The following WDPCP variants were observed in gnomAD, a reference collection of about 807,000 sequenced individuals.
WDPCP encodes WD repeat containing planar cell polarity effector.
In WDPCP, 71 loss-of-function variants were observed where a neutral mutation model predicts 93.1. The observed-to-expected ratio is 0.76, with a 90% CI of 0.63 to 0.93. The LOEUF (loss-of-function observed/expected upper bound fraction) is 0.93, where lower values mean the gene tolerates loss of function less well. Ranked by LOEUF, WDPCP falls within the 40% of genes least tolerant of loss-of-function variation. The pLI is 0.00. For missense variants in WDPCP, 844 were observed against 887.4 expected, an observed-to-expected ratio of 0.95 and a Z score of 0.62; for synonymous variants, 315 against 315.0, an observed-to-expected ratio of 1.00 and a Z score of 0.00.
chr2:63,322,497 A>C (rs1687190770), intron 12 of WDPCP, among the ~76,000 whole-genome samples: 1 of 152,174 alleles, frequency 6.6e-6, no homozygotes, highest in African/African-American at 2.4e-5. Context: ...GAAGTCAGTG[A>C]GACCATGAAC....
intron 13 of WDPCP, among the ~76,000 whole-genome samples, chr2:63,292,224 T>C (rs193067586): frequency 3.3e-5 from 5 of 152,078 alleles, no homozygotes; most frequent in Admixed American, 2.6e-4. Flanking sequence ...GTTGGCTCTT[T>C]TAGTCTCCAT....
At chr2:63,765,972 T>G (rs1034799649) in intron 2 of WDPCP, among the ~76,000 whole-genome samples, 1 of 152,224 alleles carries the variant, frequency 6.6e-6, no homozygotes. Context: ...AGAACTTCTA[T>G]GAGTAGGGAT....
At chr2:63,550,694 C>CATACAT in intron 1 of WDPCP, among the ~76,000 whole-genome samples, 1 of 148,100 alleles carries the variant, frequency 6.8e-6, no homozygotes. Context: ...TATACATACA[C>CATACAT]ATACATATAC....
chr2:63,608,857 A>G (rs1421593933), intron 3 of WDPCP, among the ~76,000 whole-genome samples: 1 of 152,204 alleles, frequency 6.6e-6, no homozygotes, highest in African/African-American at 2.4e-5. Flanking sequence ...TGTAGAAAAG[A>G]AAAAGCAAGT....
At chr2:63,518,607 C>G (rs1201921374) in intron 1 of WDPCP, 2 of 152,860 alleles carry the variant, frequency 1.3e-5, no homozygotes, top group Admixed American at 6.5e-5. Context: ...GCCCACACCC[C>G]GCAAAGCTCA....
Position 63,574,855 on chromosome 2 carries a change from C to T in WDPCP, c.75+13342G>A, listed in dbSNP as rs974625610. 3.3e-5 allele frequency among the ~76,000 whole-genome samples: 5 copies of T among 152,148 alleles called. No individual in the cohort carries two copies. In the East Asian group the frequency reaches 7.7e-4, roughly 23 times the overall value. Reference sequence around the variant, plus strand: ...CTGTCCATAGAAATGCAAATTATGTCCTGTAAAATGGAACTGATTATTTCT... The same window carrying T: ...CTGTCCATAGAAATGCAAATTATGTTCTGTAAAATGGAACTGATTATTTCT... On this transcript the variant is annotated intron_variant, in intron 1 of 17. Transcript: ENST00000272321.
In WDPCP at chr2:63,121,232, C is replaced by G. The variant is rs575429092; in HGVS notation, c.*774G>C. ...TCTAAGGGGCAGTCAGGGCAAATTA[C>G]TCATAGCAGTAATTCGAGAGAACCA... On this transcript the variant is annotated 3_prime_UTR_variant, in exon 18 of 18. Coordinates refer to ENST00000272321, the MANE Select transcript of WDPCP (RefSeq NM_015910.7). 2.0e-5 allele frequency among the ~76,000 whole-genome samples: 3 copies of G among 152,070 alleles called. No individual in the cohort carries two copies. The highest frequency in any genetic ancestry group is 6.5e-5 in the Admixed American group (1 of 15,280).
intron 13 of WDPCP, among the ~76,000 whole-genome samples, chr2:63,267,951 C>T (rs1682283592): frequency 6.6e-6 from 1 of 152,068 alleles, no homozygotes; most frequent in African/African-American, 2.4e-5. Flanking sequence ...ACCATATGAT[C>T]TAGCAATTGC....
chr2:63,233,087 C>CA (rs1280309680), intron 14 of WDPCP: 1 of 156,908 alleles, frequency 6.4e-6, no homozygotes, highest in Non-Finnish European at 1.4e-5. Flanking sequence ...AATTTGTACT[C>CA]TTTTTAAGTT....
chr2:63,382,293 T>C (rs1283505428), intron 10 of WDPCP, among the ~76,000 whole-genome samples, 199 bp from the exon 11 acceptor site: 1 of 152,090 alleles, frequency 6.6e-6, no homozygotes, highest in Non-Finnish European at 1.5e-5. Flanking sequence ...CCTTTTAAAA[T>C]GAAAGAAAAT....
intron 13 of WDPCP, among the ~76,000 whole-genome samples, chr2:63,285,303 G>A (rs948259926): frequency 5.9e-5 from 9 of 151,990 alleles, no homozygotes; most frequent in Non-Finnish European, 1.2e-4. Context: ...GTGTGGTGGC[G>A]GGTGGCTGTA....
At chr2:63,698,975 G>C (rs13425413) in intron 2 of WDPCP, among the ~76,000 whole-genome samples, 254 of 152,292 alleles carry the variant, frequency 1.7e-3, no homozygotes, top group African/African-American at 5.7e-3. Flanking sequence ...CCTGAGGGAA[G>C]CTATTACTTA....
At chr2:63,267,769 G>A (rs1376657031) in intron 13 of WDPCP, among the ~76,000 whole-genome samples, 2 of 151,970 alleles carry the variant, frequency 1.3e-5, no homozygotes, top group East Asian at 1.9e-4. Flanking sequence ...AAACCACAAC[G>A]AGATATCACC....
chr2:63,598,332 TTG>T (rs1480007363), intron 3 of WDPCP: 3 of 152,200 alleles, frequency 2.0e-5, no homozygotes, highest in African/African-American at 7.2e-5. Context: ...TTTCACCATG[TTG>T]GCCAGGCTGG....
chr2:63,170,264 TTTTC>T (rs1337364617), intron 15 of WDPCP, among the ~76,000 whole-genome samples: 14 of 151,554 alleles, frequency 9.2e-5, no homozygotes, highest in Admixed American at 3.9e-4. Context: ...ATTTTTTTCT[TTTTC>T]TTTCTTTCTT....
intron 6 of WDPCP, among the ~76,000 whole-genome samples, chr2:63,465,190 G>A (rs892199963): frequency 6.6e-6 from 1 of 151,904 alleles, no homozygotes; most frequent in Non-Finnish European, 1.5e-5. Flanking sequence ...CAGACACTGT[G>A]CTAAGTATTT....
intron 14 of WDPCP, among the ~76,000 whole-genome samples, chr2:63,178,838 T>C (rs992893360): frequency 1.3e-5 from 2 of 152,126 alleles, no homozygotes; most frequent in African/African-American, 2.4e-5. Context: ...AATGTAAACA[T>C]AGCCATAAAC....
chr2:63,630,456 C>T (rs1216946739), intron 3 of WDPCP, among the ~76,000 whole-genome samples: 3 of 151,798 alleles, frequency 2.0e-5, no homozygotes, highest in African/African-American at 7.3e-5. Flanking sequence ...ATCATGCAAA[C>T]ATTAATCAAA....
chr2:63,641,961 T>C (rs1311626394), intron 3 of WDPCP, among the ~76,000 whole-genome samples: 1 of 152,174 alleles, frequency 6.6e-6, no homozygotes, highest in Non-Finnish European at 1.5e-5. Context: ...TTTTATTTGA[T>C]TTTTGTTTAT....
Sources: gnomAD v4.1 joint callset for allele counts (sites outside exome capture counted in the v4.1 genomes callset) on GRCh38, gnomAD v4.1.1 for gene constraint, MANE v1.5 for transcripts, NCBI Gene and HGNC (gene_info 2026-07-23, HGNC 2026-07-21) for gene names.